The following UBR4 variants were observed in gnomAD, a reference collection of about 807,000 sequenced individuals.
UBR4 encodes the protein E3 ubiquitin-protein ligase UBR4.
UBR4 carries 124 observed loss-of-function variants against 575.6 expected under a neutral mutation model. That is an observed-to-expected ratio of 0.22 (90% CI 0.19 to 0.25). The LOEUF is 0.25. Ranked by LOEUF, UBR4 falls within the 10% of genes least tolerant of loss-of-function variation. The pLI is 1.00. For synonymous variants in UBR4, 2,455 were observed against 2,473.7 expected (o/e 0.99, Z 0.22); for missense variants, 4,818 against 6,478.8 (o/e 0.74, Z 8.80).
chr1:19,113,890 T>C, intron 76 of UBR4, 55 bp downstream of exon 76: 1 of 1,614,168 alleles, frequency 6.2e-7, no homozygotes, highest in Non-Finnish European at 8.5e-7. Context: ...TAGGAGGCAG[T>C]CTTCTGATCA....
At chr1:19,127,283 T>C (rs2081924506) in intron 63 of UBR4, among the ~76,000 whole-genome samples, 1 of 152,210 alleles carries the variant, frequency 6.6e-6, no homozygotes, top group Non-Finnish European at 1.5e-5. Flanking sequence ...CACACATTGC[T>C]TTCTCTCTGC....
intron 68 of UBR4, among the ~76,000 whole-genome samples, chr1:19,120,674 G>A (rs2081074366): frequency 6.6e-6 from 1 of 152,166 alleles, no homozygotes; most frequent in South Asian, 2.1e-4. Flanking sequence ...GGAGGAGGAG[G>A]AACTTCCTTT....
Position 19,156,936 on chromosome 1 carries a change from A to C in UBR4, c.5761-11T>G. 1 of 1,611,124 alleles carries C rather than the reference A, an allele frequency of 6.2e-7. No homozygotes were observed. ...CTGCAGAACGGTGATCTGCAAAGGA[A>C]CAATGACTAATTTATTCCTACTCCT... is the stretch of plus-strand genomic sequence containing the variant. On this transcript the variant is annotated splice_polypyrimidine_tract_variant and intron_variant, in intron 40 of 105. Transcript: ENST00000375254.
chr1:19,121,713 G>A (rs920913664), intron 67 of UBR4, among the ~76,000 whole-genome samples: 4 of 152,186 alleles, frequency 2.6e-5, no homozygotes, highest in African/African-American at 9.6e-5. Flanking sequence ...CTGGAGGTCA[G>A]AGACTCCTAC....
In UBR4 at chr1:19,160,143, C is replaced by T; in HGVS notation, c.5545G>A (p.Glu1849Lys). 6.2e-7 allele frequency: 1 copy of T among 1,613,724 alleles called. No homozygotes were observed. The highest frequency in any genetic ancestry group is 2.2e-5 in the East Asian group (1 of 44,862). ...QQALSELHTV[E>K]KAVEMTDQLM... Reference sequence around the variant, plus strand: ...TGGTCTGTCATCTCCACTGCCTTCTCCACAGTGTGTAGCTCACTGAGGGCT... The same window carrying T: ...TGGTCTGTCATCTCCACTGCCTTCTTCACAGTGTGTAGCTCACTGAGGGCT... Residue 1849 changes from glutamate to lysine, a missense_variant, in exon 39 of 106, where the codon GAG becomes AAG. This residue lies in a region of UBR4 where 159 missense variants were observed against 174.6 expected (regional missense o/e 0.91). Transcript: ENST00000375254.
chr1:19,142,819 C>T lies in UBR4; in HGVS notation c.8180-1042G>A, dbSNP rs141782791. On this transcript the variant is annotated intron_variant, in intron 55 of 105. Transcript: ENST00000375254. ...TTACTTTTTACTCTTTATAATATTG[C>T]TATTAGAAAATTTAAAAGTACAGGC... Among the ~76,000 whole-genome samples, 632 of 152,194 alleles carry T rather than the reference C, an allele frequency of 4.2e-3. 4 individuals are homozygous for T. The highest frequency in any genetic ancestry group is 0.014 in the African/African-American group (599 of 41,528).
intron 14 of UBR4, among the ~76,000 whole-genome samples, chr1:19,185,762 G>T (rs1275488198): frequency 2.0e-5 from 3 of 151,770 alleles, no homozygotes; most frequent in Non-Finnish European, 4.4e-5. Context: ...AGTAGAGATG[G>T]GGTTTCACCA....
intron 81 of UBR4, among the ~76,000 whole-genome samples, chr1:19,109,416 T>C (rs1378088502): frequency 6.6e-6 from 1 of 152,252 alleles, no homozygotes; most frequent in Non-Finnish European, 1.5e-5. Flanking sequence ...ATAAAAAGTA[T>C]TACTAAGATG....
In UBR4 at chr1:19,152,574, T is replaced by C. The variant is rs550723003; in HGVS notation, c.6833-98A>G. ...CCAGACAGAGCCCACACTCACACTC[T>C]AATCTAAGCAAACTCTGGATTATAA... On this transcript the variant is annotated intron_variant, in intron 46 of 105. Transcript: ENST00000375254. This position sits in a 1 kb window ranked among gnomAD's most constrained non-coding sequence, Gnocchi z 4.4. 5 of 1,475,222 alleles carry C rather than the reference T, an allele frequency of 3.4e-6. No individual in the cohort carries two copies. In the African/African-American group the frequency reaches 7.0e-5, roughly 21 times the overall value. The allele number at this position is 1,475,222 out of a possible 1,614,324, so 91.4% of individuals were successfully genotyped here. A position where few individuals can be genotyped will look rare whatever the true frequency, so the allele number is the denominator to read the frequency against.
chr1:19,157,746 T>C lies in UBR4; in HGVS notation c.5760+69A>G, dbSNP rs2086654226. The stretch of plus-strand genomic sequence containing the variant: ...CAGAGGGCTAATCCGAATGTGGTCA[T>C]CAATTTGTTTTGCTTAGCATTTAAG... On this transcript the variant is annotated intron_variant, in intron 40 of 105. Coordinates refer to ENST00000375254, the MANE Select transcript of UBR4 (RefSeq NM_020765.3). This position sits in a 1 kb window ranked among gnomAD's most constrained non-coding sequence, Gnocchi z 4.4. The C allele has an allele frequency of 6.4e-7, 1 of 1,558,346 alleles. No individual in the cohort carries two copies. Among genetic ancestry groups the C allele is most frequent in the Admixed American group, 1.8e-5 (1 of 55,398 alleles).
Position 19,121,198 on chromosome 1 carries a change from C to G in UBR4, c.10132G>C (p.Glu3378Gln). Residue 3378 changes from glutamate (E) to glutamine (Q), a missense_variant, in exon 68 of 106, where the codon GAG becomes CAG. Coordinates refer to ENST00000375254, the MANE Select transcript of UBR4 (RefSeq NM_020765.3). The stretch of plus-strand genomic sequence containing the variant: ...AGAGGGTGACCCTTACCATCTTTCT[C>G]CTTTTCTTTTTCTTCTTTCTTGCTC... The part of the protein sequence containing the change: ...KKSKKEEKEK[E>Q]KDGETSGSQE... 2 of 1,613,884 alleles carry G rather than the reference C, an allele frequency of 1.2e-6. No individual in the cohort carries two copies. Among genetic ancestry groups the G allele is most frequent in the Non-Finnish European group, 1.7e-6 (2 of 1,179,970 alleles).
Position 19,201,593 on chromosome 1 carries a change from T to C in UBR4, c.274+125A>G, listed in dbSNP as rs978812133. 3 of 701,010 alleles carry C rather than the reference T, an allele frequency of 4.3e-6. No individual in the cohort carries two copies. In the African/African-American group the frequency reaches 5.5e-5, roughly 13 times the overall value. 43.4% of individuals were successfully genotyped at this position (701,010 alleles called of 1,614,324 possible). On this transcript the variant is annotated intron_variant, in intron 2 of 105. Transcript: ENST00000375254. ...GCTGACAGTTGTCTCTACTCTTGGG[T>C]GAGCAGCTTAGGAGTGCTAAAACCT... is the stretch of plus-strand genomic sequence containing the variant.
chr1:19,092,880 G>T lies in UBR4; in HGVS notation c.14150C>A (p.Pro4717Gln), dbSNP rs1221281485. The change falls in exon 97 of 106, where the codon CCA (proline) becomes CAA (glutamine). Residue 4717 changes from proline to glutamine, a missense_variant. By Grantham distance (76) the Pro-to-Gln change is moderately conservative. Transcript: ENST00000375254. ...CAGCCTTAGGATAAATGGCAAGGCT[G>T]GGCGAGACAAAAACTTTTTCCAGAT... ...ADIWKKFLSR[P>Q]ALPFILRLLR... is the part of the protein sequence containing the mutation. 6.2e-7 allele frequency: 1 copy of T among 1,613,558 alleles called. No homozygotes were observed. The highest frequency in any genetic ancestry group is 1.1e-5 in the South Asian group (1 of 90,766).
At chr1:19,138,256 G>T in intron 59 of UBR4, 75 bp from the exon 60 acceptor site, 1 of 1,394,318 alleles carries the variant, frequency 7.2e-7, no homozygotes, top group Non-Finnish European at 9.4e-7. Flanking sequence ...TAAAGCAGCA[G>T]CAATAGTTAA....
rs761053601 is a variant in UBR4, at chr1:19,088,843, G to A, written c.14346C>T (p.Asp4782=). 8.7e-6 allele frequency: 14 copies of A among 1,613,940 alleles called. No homozygotes were observed. Among genetic ancestry groups the A allele is most frequent in the South Asian group, 4.4e-5 (4 of 91,080 alleles). ...REHPDVNKKI[D]AARRETRAEK... The stretch of plus-strand genomic sequence containing the variant: ...CTGCCCGGGTCTCCCTGCGGGCTGC[G>A]TCAATCTTCTTGTTTACGTCAGGGT... The change falls in exon 98 of 106, where the codon GAC becomes GAT. Residue 4782 remains aspartate, a synonymous_variant. Transcript: ENST00000375254. The surrounding 1 kb of genome is among the most constrained non-coding windows in gnomAD (Gnocchi z 4.0).
At chr1:19,159,361 A>G (rs1008578261) in intron 39 of UBR4, among the ~76,000 whole-genome samples, 1 of 152,196 alleles carries the variant, frequency 6.6e-6, no homozygotes, top group Non-Finnish European at 1.5e-5. Context: ...GACATGAAAA[A>G]CTAAAGGAAA....
intron 1 of UBR4, among the ~76,000 whole-genome samples, chr1:19,203,072 C>T (rs1348264188): frequency 6.6e-6 from 1 of 151,372 alleles, no homozygotes; most frequent in Non-Finnish European, 1.5e-5. Flanking sequence ...CAGCGAGACT[C>T]CGTCTCAGAG....
chr1:19,094,774 C>A, intron 94 of UBR4, 132 bp downstream of exon 94: 1 of 1,274,598 alleles, frequency 7.8e-7, no homozygotes, highest in East Asian at 2.4e-5. Context: ...TAGTTGAGTC[C>A]TAACATTCCA....
chr1:19,099,805 C>G, intron 89 of UBR4, 128 bp from the exon 90 acceptor site: 1 of 720,730 alleles, frequency 1.4e-6, no homozygotes, highest in South Asian at 2.0e-5. Flanking sequence ...CCTATCAACT[C>G]TCCCACTCTT....
Sources: gnomAD v4.1 joint callset for allele counts (sites outside exome capture counted in the v4.1 genomes callset) on GRCh38, gnomAD v4.1.1 for gene constraint, gnomAD v4.1.1 regional missense constraint, Gnocchi (gnomAD v3.1) non-coding constraint, MANE v1.5 for transcripts, NCBI Gene and HGNC (gene_info 2026-07-23, HGNC 2026-07-21) for gene names.